The following FBXW10B variants were observed in gnomAD, a reference collection of about 807,000 sequenced individuals.
The protein encoded by FBXW10B is F-box and WD repeat domain containing 10B, also known as F-box and WD repeat domain containing protein 10B.
the FBXW10B span, among the ~76,000 whole-genome samples, chr17:15,589,582 T>C: frequency 6.6e-6 from 1 of 150,936 alleles, no homozygotes; most frequent in African/African-American, 2.5e-5. Context: ...ATACTGTCTA[T>C]AGTAAAACTA....
chr17:15,612,075 T>C, the FBXW10B span, among the ~76,000 whole-genome samples: 1 of 152,168 alleles, frequency 6.6e-6, no homozygotes, highest in African/African-American at 2.4e-5. Context: ...GGGTTGCTCC[T>C]GGCCTCTGAA....
chr17:15,592,176 G>A, the FBXW10B span, among the ~76,000 whole-genome samples: 1 of 152,130 alleles, frequency 6.6e-6, no homozygotes, highest in Non-Finnish European at 1.5e-5. Context: ...GTTTTGGCTG[G>A]AACTGCTGGA....
the FBXW10B span, among the ~76,000 whole-genome samples, chr17:15,591,480 G>C: frequency 2.0e-5 from 3 of 152,022 alleles, no homozygotes; most frequent in African/African-American, 7.2e-5. Context: ...GTAGAGACAG[G>C]GTTTCGCCAT....
At chr17:15,595,378 G>T in the FBXW10B span, among the ~76,000 whole-genome samples, 2 of 151,972 alleles carry the variant, frequency 1.3e-5, no homozygotes, top group South Asian at 2.1e-4. Flanking sequence ...AAAAATAAAA[G>T]AAAAAAAGAA....
the FBXW10B span, among the ~76,000 whole-genome samples, chr17:15,594,314 T>C: frequency 6.6e-6 from 1 of 151,408 alleles, no homozygotes; most frequent in African/African-American, 2.4e-5. Flanking sequence ...CTACTAAAAA[T>C]ACAAAAAATT....
At chr17:15,615,664 A>G in the FBXW10B span, 2 of 1,613,806 alleles carry the variant, frequency 1.2e-6, no homozygotes, top group East Asian at 2.2e-5. Flanking sequence ...ATGCTGCCCC[A>G]AGGAAGTGTT....
chr17:15,583,737 G>C, the FBXW10B span, among the ~76,000 whole-genome samples: 1 of 152,076 alleles, frequency 6.6e-6, no homozygotes, highest in African/African-American at 2.4e-5. Context: ...GGGTTAAACT[G>C]ATGAGCCAAC....
the FBXW10B span, among the ~76,000 whole-genome samples, chr17:15,570,315 G>C: frequency 1.3e-5 from 2 of 152,208 alleles, no homozygotes; most frequent in African/African-American, 2.4e-5. Context: ...TGTAGACCTT[G>C]ACAGACAGAC....
At chr17:15,596,735 T>C in the FBXW10B span, 1 of 1,485,120 alleles carries the variant, frequency 6.7e-7, no homozygotes, top group Non-Finnish European at 9.1e-7. Context: ...ACAGTGGAGT[T>C]CTGCTCCCCA....
chr17:15,612,685 T>C, the FBXW10B span: 9 of 1,613,878 alleles, frequency 5.6e-6, no homozygotes, highest in Non-Finnish European at 6.8e-6. Flanking sequence ...TTGCCCCAGA[T>C]GCTGTTGGAA....
At chr17:15,594,665 G>A in the FBXW10B span, 11 of 1,417,114 alleles carry the variant, frequency 7.8e-6, no homozygotes, top group East Asian at 2.6e-4. Flanking sequence ...GGGAGCAGAA[G>A]GTCTGCCAAT....
At chr17:15,592,859 C>G in the FBXW10B span, among the ~76,000 whole-genome samples, 4 of 152,244 alleles carry the variant, frequency 2.6e-5, no homozygotes, top group South Asian at 8.3e-4. Context: ...AATCCCAGCG[C>G]TTTGGGAGGC....
chr17:15,591,355 T>C, the FBXW10B span, among the ~76,000 whole-genome samples: 1 of 152,170 alleles, frequency 6.6e-6, no homozygotes, highest in African/African-American at 2.4e-5. Flanking sequence ...AGTGGTGCGA[T>C]CTCGGCTCAC....
the FBXW10B span, among the ~76,000 whole-genome samples, chr17:15,567,793 A>T: frequency 1.3e-5 from 2 of 152,238 alleles, no homozygotes; most frequent in Non-Finnish European, 2.9e-5. Context: ...TTGTTAGGGA[A>T]GAGGTTTAAA....
chr17:15,605,205 T>G, the FBXW10B span: 4 of 1,587,170 alleles, frequency 2.5e-6, no homozygotes, highest in Non-Finnish European at 3.4e-6. Context: ...GGGATCATGA[T>G]GTCTTTGGAC....
chr17:15,584,940 TGAA>T, the FBXW10B span, among the ~76,000 whole-genome samples: 1 of 151,164 alleles, frequency 6.6e-6, no homozygotes, highest in Non-Finnish European at 1.5e-5. Context: ...CCACAGAACT[TGAA>T]GAAGGAGTAA....
At chr17:15,598,930 A>G in the FBXW10B span, 1 of 369,566 alleles carries the variant, frequency 2.7e-6, no homozygotes. Flanking sequence ...TAATCCCAAC[A>G]CTTTGGGAGG....
chr17:15,569,463 T>C, the FBXW10B span, among the ~76,000 whole-genome samples: 21 of 131,204 alleles, frequency 1.6e-4, no homozygotes, highest in African/African-American at 5.9e-5. Flanking sequence ...TTCTTTTTTT[T>C]TTTTTTTTTT....
the FBXW10B span, among the ~76,000 whole-genome samples, chr17:15,612,446 G>A: frequency 1.3e-5 from 2 of 151,952 alleles, no homozygotes; most frequent in Non-Finnish European, 2.9e-5. Context: ...CCCGGGAGGC[G>A]GAGCTTGCAG....
Sources: gnomAD v4.1 joint callset for allele counts (sites outside exome capture counted in the v4.1 genomes callset) on GRCh38, gnomAD v4.1.1 for gene constraint, MANE v1.5 for transcripts, NCBI Gene and HGNC (gene_info 2026-07-23, HGNC 2026-07-21) for gene names.